Variants in ZNF160 observed in about 807,000 individuals in gnomAD.
ZNF160 encodes KRAB zinc finger protein KR18.
Under a neutral mutation model 13.1 loss-of-function variants are expected in ZNF160, and 9 were observed. That is an observed-to-expected ratio of 0.69 (90% CI 0.41 to 1.20). The LOEUF (loss-of-function observed/expected upper bound fraction) is 1.20, where lower values mean the gene tolerates loss of function less well. Among genes scored for constraint, ZNF160 ranks in the 50% most tolerant of loss-of-function variants. The probability of loss-of-function intolerance (pLI) is 0.01; values close to 1 mark genes in which losing one functional copy is unlikely to be tolerated. For synonymous variants in ZNF160, 293 were observed against 333.2 expected (o/e 0.88, Z 1.31); for missense variants, 838 against 988.0 (o/e 0.85, Z 2.04).
chr19:53,089,393 T>C (rs1033145506), intron 2 of ZNF160, among the ~76,000 whole-genome samples: 1 of 152,210 alleles, frequency 6.6e-6, no homozygotes, highest in African/African-American at 2.4e-5. Context: ...CTGTACACTA[T>C]TATATTGACT....
At chr19:53,082,583 T>A (rs957442029) in intron 3 of ZNF160, among the ~76,000 whole-genome samples, 2 of 152,128 alleles carry the variant, frequency 1.3e-5, no homozygotes, top group African/African-American at 4.8e-5. Context: ...GGTGGGAGGA[T>A]CACTTGAGCC....
At chr19:53,072,710 G>A (rs927931333) in intron 5 of ZNF160, among the ~76,000 whole-genome samples, 1 of 152,016 alleles carries the variant, frequency 6.6e-6, no homozygotes, top group African/African-American at 2.4e-5. Flanking sequence ...AATTAACCAG[G>A]CATGGTGGCG....
At chr19:53,086,724 G>A (rs2084849421) in intron 2 of ZNF160, among the ~76,000 whole-genome samples, 1 of 152,186 alleles carries the variant, frequency 6.6e-6, no homozygotes, top group Non-Finnish European at 1.5e-5. Context: ...TTGGTACTAT[G>A]CTGGCTACAG....
At chr19:53,072,259 G>A (rs1568478439) in intron 5 of ZNF160, among the ~76,000 whole-genome samples, 1 of 151,970 alleles carries the variant, frequency 6.6e-6, no homozygotes, top group African/African-American at 2.4e-5. Flanking sequence ...GTGCCATCAT[G>A]CCTGGCTAAT....
At chr19:53,087,964 G>T (rs1023341908) in intron 2 of ZNF160, among the ~76,000 whole-genome samples, 4 of 152,194 alleles carry the variant, frequency 2.6e-5, no homozygotes, top group African/African-American at 4.8e-5. Flanking sequence ...GGTCTGCAGG[G>T]TACATGGGGC....
chr19:53,092,578 T>G (rs1488119628), intron 1 of ZNF160, among the ~76,000 whole-genome samples: 3 of 152,162 alleles, frequency 2.0e-5, no homozygotes, highest in Non-Finnish European at 4.4e-5. Context: ...CCTCCCAGAG[T>G]GCTGGGATTA....
intron 3 of ZNF160, among the ~76,000 whole-genome samples, chr19:53,084,564 G>A (rs893713913): frequency 2.0e-5 from 3 of 152,258 alleles, no homozygotes; most frequent in Middle Eastern, 3.4e-3. Context: ...AAAATAAACC[G>A]CAGAATACAA....
At chr19:53,092,477 AT>A (rs374176788) in intron 1 of ZNF160, among the ~76,000 whole-genome samples, 16 of 151,940 alleles carry the variant, frequency 1.1e-4, no homozygotes, top group Non-Finnish European at 2.2e-4. Flanking sequence ...GGCCCAGCTA[AT>A]TTTTTTTGTA....
intron 1 of ZNF160, among the ~76,000 whole-genome samples, chr19:53,099,463 G>C: frequency 6.6e-6 from 1 of 152,232 alleles, no homozygotes; most frequent in East Asian, 1.9e-4. Context: ...GCCACAGTGA[G>C]GAGTTGGGCT....
chr19:53,070,053 C>A lies in ZNF160; in HGVS notation c.481G>T (p.Glu161Ter), dbSNP rs760662269. 1 of 1,614,066 alleles carries A rather than the reference C, an allele frequency of 6.2e-7. No homozygotes were observed. The highest frequency in any genetic ancestry group is 1.1e-5 in the South Asian group (1 of 91,074). The change falls in exon 6 of 6, where the codon GAA (glutamate) becomes TAA (stop). Residue 161 changes from glutamate to a stop codon, truncating the protein, a stop_gained. Coordinates refer to ENST00000683776, the MANE Select transcript of ZNF160 (RefSeq NM_001322131.2). LOFTEE classifies it low-confidence loss of function (END_TRUNC). ...CTGTCGCGTTGATCTCTTTTACCTT[C>A]TTTCTGGGCCATAAGCACTCCCTTG... ...NYKGVLMAQK[E>*]GKRDQRDRRD...
chr19:53,073,231 T>C, intron 5 of ZNF160: 2 of 1,453,514 alleles, frequency 1.4e-6, no homozygotes, highest in South Asian at 2.9e-5. Context: ...GTACTTGTAT[T>C]TCTGTGCTGA....
intron 1 of ZNF160, among the ~76,000 whole-genome samples, chr19:53,098,941 G>A (rs1338023776): frequency 2.0e-5 from 3 of 150,130 alleles, no homozygotes; most frequent in Non-Finnish European, 4.4e-5. Context: ...AGGAAGTTTA[G>A]ACCAATTACG....
At chr19:53,075,659 C>A in intron 3 of ZNF160, 2 of 502,356 alleles carry the variant, frequency 4.0e-6, no homozygotes, top group South Asian at 2.9e-5. Flanking sequence ...CAGCTCCTCA[C>A]TCCTTTCCCA....
chr19:53,099,828 G>A (rs1044049749), intron 1 of ZNF160, among the ~76,000 whole-genome samples: 1 of 152,122 alleles, frequency 6.6e-6, no homozygotes, highest in Admixed American at 6.5e-5. Flanking sequence ...GATTTACTGA[G>A]GGCTAGACGG....
chr19:53,085,899 T>C, intron 3 of ZNF160: 1 of 785,234 alleles, frequency 1.3e-6, no homozygotes, highest in Non-Finnish European at 2.1e-6. Flanking sequence ...CGTGTGCACC[T>C]GACTTCATGG....
At chr19:53,085,875 C>A in intron 3 of ZNF160, 1 of 601,870 alleles carries the variant, frequency 1.7e-6, no homozygotes, top group Non-Finnish European at 2.9e-6. Flanking sequence ...CTTTTCTATG[C>A]CAGTGAGCAG....
intron 1 of ZNF160, among the ~76,000 whole-genome samples, chr19:53,100,066 C>T (rs1011785491): frequency 6.6e-6 from 1 of 152,098 alleles, no homozygotes; most frequent in Non-Finnish European, 1.5e-5. Context: ...ACTAATGAAA[C>T]GCAGAACTGT....
At chr19:53,100,998 G>C (rs2085427358) in intron 1 of ZNF160, among the ~76,000 whole-genome samples, 1 of 151,826 alleles carries the variant, frequency 6.6e-6, no homozygotes, top group East Asian at 1.9e-4. Context: ...ATAAATAAGG[G>C]CCAGGAGCGG....
At chr19:53,085,041 T>C (rs954107065) in intron 3 of ZNF160, 1 of 340,576 alleles carries the variant, frequency 2.9e-6, no homozygotes, top group Non-Finnish European at 4.1e-6. Context: ...GCAGCCTCAA[T>C]CTCTGGGGCT....
Sources: gnomAD v4.1 joint callset for allele counts (sites outside exome capture counted in the v4.1 genomes callset) on GRCh38, gnomAD v4.1.1 for gene constraint, MANE v1.5 for transcripts, NCBI Gene and HGNC (gene_info 2026-07-23, HGNC 2026-07-21) for gene names.